The following SGCD variants were observed in gnomAD, a reference collection of about 807,000 sequenced individuals.
The protein encoded by SGCD is sarcoglycan delta.
Under a neutral mutation model 36.6 loss-of-function variants are expected in SGCD, and 18 were observed. The ratio of observed to expected loss-of-function variants is 0.49; its 90% confidence interval spans 0.34 to 0.73. SGCD has a LOEUF of 0.73. SGCD is among the 30% of genes least tolerant of loss of function. The pLI is 0.01. For missense variants in SGCD, 387 were observed against 346.7 expected (o/e 1.12, Z -0.92); for synonymous variants, 133 against 130.6 (o/e 1.02, Z -0.12).
At chr5:156,304,645 G>A (rs1198962652) in intron 3 of SGCD, among the ~76,000 whole-genome samples, 2 of 152,228 alleles carry the variant, frequency 1.3e-5, no homozygotes, top group African/African-American at 2.4e-5. Context: ...ACCCAAAAAT[G>A]TGGAAAAGAC....
chr5:155,949,499 G>A (rs112013349), intron 1 of SGCD, among the ~76,000 whole-genome samples: 1 of 152,234 alleles, frequency 6.6e-6, no homozygotes, highest in Non-Finnish European at 1.5e-5. Context: ...TAAGTAATTT[G>A]TTCGATGTTA....
chr5:156,648,264 C>CTTT (rs4067498), intron 7 of SGCD, among the ~76,000 whole-genome samples: 122,048 of 147,718 alleles, frequency 0.83, 50,849 homozygotes, highest in South Asian at 0.89. Flanking sequence ...TGAATACTGG[C>CTTT]TTTTTTTTTT....
chr5:156,179,182 C>A (rs759526771), intron 3 of SGCD, among the ~76,000 whole-genome samples: 15 of 152,110 alleles, frequency 9.9e-5, no homozygotes, highest in Non-Finnish European at 2.2e-4. Flanking sequence ...TTACTATTAA[C>A]ATTTTCTATG....
At chr5:155,943,120 G>A (rs1176540330) in intron 1 of SGCD, among the ~76,000 whole-genome samples, 2 of 152,198 alleles carry the variant, frequency 1.3e-5, no homozygotes, top group Non-Finnish European at 2.9e-5. Flanking sequence ...TAGGAGCTCA[G>A]ATGCCATAGT....
intron 6 of SGCD, among the ~76,000 whole-genome samples, chr5:156,610,734 G>A (rs1425620717): frequency 3.9e-5 from 6 of 152,196 alleles, no homozygotes; most frequent in African/African-American, 9.6e-5. Context: ...CTCAAGCCTC[G>A]GCAAAGGTGG....
chr5:156,181,656 G>T (rs1303893165), intron 3 of SGCD, among the ~76,000 whole-genome samples: 1 of 152,178 alleles, frequency 6.6e-6, no homozygotes, highest in Non-Finnish European at 1.5e-5. Flanking sequence ...GCAAGGTGAT[G>T]TGATTAGATA....
intron 7 of SGCD, chr5:156,738,486 G>A (rs1000729061): frequency 2.0e-5 from 3 of 152,192 alleles, no homozygotes; most frequent in Non-Finnish European, 4.4e-5. Context: ...AAAAGTAGTT[G>A]ACAAATTCTA....
intron 1 of SGCD, among the ~76,000 whole-genome samples, chr5:155,914,684 C>A (rs1362692645): frequency 6.6e-6 from 1 of 152,128 alleles, no homozygotes; most frequent in African/African-American, 2.4e-5. Flanking sequence ...ATATTAAGTC[C>A]CTACAAGTAT....
At chr5:155,776,562 C>T in the SGCD span, among the ~76,000 whole-genome samples, 1 of 152,130 alleles carries the variant, frequency 6.6e-6, no homozygotes, top group Non-Finnish European at 1.5e-5. Flanking sequence ...CATCTCCAGT[C>T]TTCCTTTAAC....
At chr5:156,412,890 G>C (rs1273150440) in intron 3 of SGCD, among the ~76,000 whole-genome samples, 1 of 151,220 alleles carries the variant, frequency 6.6e-6, no homozygotes, top group African/African-American at 2.4e-5. Flanking sequence ...CTGCTTCCCG[G>C]GTTCACGCCA....
chr5:156,413,100 G>C (rs1347317361), intron 3 of SGCD, among the ~76,000 whole-genome samples: 1 of 152,154 alleles, frequency 6.6e-6, no homozygotes, highest in East Asian at 1.9e-4. Context: ...CCCGGCCGCA[G>C]GGTTGGTTCT....
At chr5:155,864,100 C>A in the SGCD span, among the ~76,000 whole-genome samples, 1 of 152,172 alleles carries the variant, frequency 6.6e-6, no homozygotes, top group South Asian at 2.1e-4. Flanking sequence ...GAAAGACTTT[C>A]TCCTAATAGT....
At chr5:156,283,072 C>A (rs1359179288) in intron 3 of SGCD, among the ~76,000 whole-genome samples, 1 of 152,150 alleles carries the variant, frequency 6.6e-6, no homozygotes, top group Non-Finnish European at 1.5e-5. Context: ...CTAATAAACT[C>A]TGCAGGCCTT....
intron 3 of SGCD, among the ~76,000 whole-genome samples, chr5:156,189,804 C>T (rs1015590328): frequency 6.6e-6 from 1 of 152,138 alleles, no homozygotes; most frequent in East Asian, 1.9e-4. Flanking sequence ...ATTAAAGCGC[C>T]TTGTGACAGG....
chr5:156,432,650 G>A (rs951297214), intron 3 of SGCD, among the ~76,000 whole-genome samples: 4 of 152,132 alleles, frequency 2.6e-5, no homozygotes, highest in Admixed American at 2.0e-4. Flanking sequence ...TGGCCACTGT[G>A]GGGGATAGGG....
intron 3 of SGCD, among the ~76,000 whole-genome samples, chr5:156,185,235 G>C (rs1253769796): frequency 3.5e-5 from 4 of 115,476 alleles, no homozygotes; most frequent in South Asian, 5.5e-4. Flanking sequence ...TTTTTTTTGA[G>C]ACAGAGTCTT....
intron 3 of SGCD, among the ~76,000 whole-genome samples, chr5:156,132,094 A>C (rs970713903): frequency 6.6e-6 from 1 of 152,190 alleles, no homozygotes; most frequent in African/African-American, 2.4e-5. Context: ...TGCACCTCCA[A>C]GTAATGTTGT....
At chr5:156,165,159 G>T (rs962696122) in intron 3 of SGCD, among the ~76,000 whole-genome samples, 3 of 152,170 alleles carry the variant, frequency 2.0e-5, no homozygotes, top group Non-Finnish European at 2.9e-5. Flanking sequence ...GGAGGGAAGG[G>T]CTCTGTGAAG....
chr5:156,466,022 A>T (rs576157472), intron 3 of SGCD, among the ~76,000 whole-genome samples: 11 of 152,278 alleles, frequency 7.2e-5, no homozygotes, highest in African/African-American at 2.6e-4. Context: ...CCCCTTTGGG[A>T]CAATATCTTT....
Sources: gnomAD v4.1 joint callset for allele counts (sites outside exome capture counted in the v4.1 genomes callset) on GRCh38, gnomAD v4.1.1 for gene constraint, MANE v1.5 for transcripts, NCBI Gene and HGNC (gene_info 2026-07-23, HGNC 2026-07-21) for gene names.